The following ANO2 variants were observed in gnomAD, a reference collection of about 807,000 sequenced individuals.
ANO2 encodes anoctamin-2.
Under a neutral mutation model 124.2 loss-of-function variants are expected in ANO2, and 101 were observed. The ratio of observed to expected loss-of-function variants is 0.81; its 90% CI spans 0.69 to 0.96. The LOEUF (loss-of-function observed/expected upper bound fraction) is 0.96. Ranked by LOEUF, ANO2 falls within the 40% of genes least tolerant of loss-of-function variation. The pLI is 0.00. For synonymous variants in ANO2, 486 were observed against 482.5 expected, an observed-to-expected ratio of 1.01 and a Z score of -0.09; for missense variants, 1,293 against 1,274.5, an observed-to-expected ratio of 1.01 and a Z score of -0.22.
intron 10 of ANO2, among the ~76,000 whole-genome samples, chr12:5,761,317 T>C (rs1467201690): frequency 6.6e-6 from 1 of 152,174 alleles, no homozygotes; most frequent in Admixed American, 6.5e-5. Context: ...AGGCTCTTTA[T>C]TTTAAATATC....
In ANO2 at chr12:5,584,829, C is replaced by G. The variant is rs111693104; in HGVS notation, c.2234-6311G>C. Among the ~76,000 whole-genome samples, 344 of 152,244 alleles carry G rather than the reference C, an allele frequency of 2.3e-3. 3 individuals are homozygous for G. The highest frequency in any genetic ancestry group is 8.0e-3 in the African/African-American group (331 of 41,548). On this transcript the variant is annotated intron_variant, in intron 20 of 24. Transcript: ENST00000682330. ...TCCATTGCTTAGAAAAATGGTGAAG[C>G]CTTGACAGAAACATAAGAGAGTTCT...
intron 4 of ANO2, among the ~76,000 whole-genome samples, chr12:5,833,975 G>A (rs897961785): frequency 9.9e-5 from 15 of 151,954 alleles, no homozygotes; most frequent in African/African-American, 2.4e-4. Context: ...CTACGGAGGC[G>A]TCCTGAGAGT....
chr12:5,708,758 T>C (rs570821918), intron 14 of ANO2, among the ~76,000 whole-genome samples: 1 of 152,352 alleles, frequency 6.6e-6, no homozygotes, highest in East Asian at 1.9e-4. Flanking sequence ...ATGCAGCATA[T>C]GCTAGGTCCT....
intron 3 of ANO2, among the ~76,000 whole-genome samples, chr12:5,907,182 T>C (rs1055671835): frequency 2.0e-5 from 3 of 152,204 alleles, no homozygotes; most frequent in Non-Finnish European, 4.4e-5. Context: ...ATGATGTCGT[T>C]TTGTTTCGGT....
At chr12:5,823,755 A>G (rs1953876368) in intron 7 of ANO2, among the ~76,000 whole-genome samples, 1 of 152,172 alleles carries the variant, frequency 6.6e-6, no homozygotes, top group Admixed American at 6.5e-5. Flanking sequence ...CTTCAACCCC[A>G]CATTTCCCCT....
intron 1 of ANO2, among the ~76,000 whole-genome samples, chr12:5,931,204 C>G (rs1942359695): frequency 6.6e-6 from 1 of 152,108 alleles, no homozygotes; most frequent in African/African-American, 2.4e-5. Context: ...GAGTCCGCAC[C>G]TACCCGTCTG....
intron 10 of ANO2, among the ~76,000 whole-genome samples, chr12:5,784,346 A>G (rs116469276): frequency 1.6e-3 from 244 of 152,278 alleles, no homozygotes; most frequent in African/African-American, 5.5e-3. Flanking sequence ...TGACTTATCA[A>G]TCACCTTTTC....
chr12:5,744,485 T>C (rs1350547359), intron 11 of ANO2, among the ~76,000 whole-genome samples, 168 bp from the exon 12 acceptor site: 1 of 152,214 alleles, frequency 6.6e-6, no homozygotes, highest in Non-Finnish European at 1.5e-5. Flanking sequence ...CTGGAGAGTG[T>C]TACTCATACT....
rs10677018 is a variant in ANO2, at chr12:5,609,869, G to GTATA, written c.2087+2783_2087+2786dup. ...TTAGTCTATTGCTTGTTTAGAAAATGTATATATATATATATGTTTTATACA... is the reference window on the plus strand; with the variant it reads ...TTAGTCTATTGCTTGTTTAGAAAATGTATATATATATATATATATGTTTTATACA... On this transcript the variant is annotated intron_variant, in intron 19 of 24. Coordinates refer to ENST00000682330, the MANE Select transcript of ANO2 (RefSeq NM_001364791.2). Among the ~76,000 whole-genome samples the GTATA allele has an allele frequency of 5.3e-3, 767 of 144,418 alleles. 5 individuals carry two copies. Among genetic ancestry groups the GTATA allele is most frequent in the African/African-American group, 0.017 (664 of 39,356 alleles). The allele number at this position is 144,418 out of a possible 152,430, so 94.7% of individuals were successfully genotyped here.
chr12:5,640,092 C>T (rs567992246), intron 15 of ANO2, among the ~76,000 whole-genome samples: 26 of 152,240 alleles, frequency 1.7e-4, no homozygotes, highest in East Asian at 3.9e-4. Flanking sequence ...AGAGGAAATT[C>T]GTCTTTGTCC....
At chr12:5,852,131 C>T (rs1007268610) in intron 4 of ANO2, among the ~76,000 whole-genome samples, 2 of 152,098 alleles carry the variant, frequency 1.3e-5, no homozygotes, top group Non-Finnish European at 1.5e-5. Flanking sequence ...CAGGACCCCA[C>T]CAGAAGGAAG....
intron 10 of ANO2, among the ~76,000 whole-genome samples, chr12:5,786,358 T>A (rs968691506): frequency 9.9e-5 from 15 of 152,256 alleles, no homozygotes; most frequent in Non-Finnish European, 2.2e-4. Flanking sequence ...ACCCCACACA[T>A]CCTTCTAACT....
At chr12:5,802,810 G>C (rs932914692) in intron 9 of ANO2, among the ~76,000 whole-genome samples, 4 of 152,200 alleles carry the variant, frequency 2.6e-5, no homozygotes, top group African/African-American at 9.7e-5. Context: ...AGAGACTACT[G>C]CTCCTTCTTA....
At chr12:5,939,678 A>T (rs1480008049) in intron 1 of ANO2, among the ~76,000 whole-genome samples, 1 of 152,260 alleles carries the variant, frequency 6.6e-6, no homozygotes, top group Non-Finnish European at 1.5e-5. Context: ...CAGTAATGCC[A>T]TTCCTGTTTT....
intron 10 of ANO2, among the ~76,000 whole-genome samples, chr12:5,781,940 G>C (rs1451073228): frequency 6.6e-6 from 1 of 152,176 alleles, no homozygotes; most frequent in African/African-American, 2.4e-5. Context: ...TTTGGGTATA[G>C]TATTCTATAA....
chr12:5,675,135 G>T (rs1948179350), intron 14 of ANO2, among the ~76,000 whole-genome samples: 1 of 152,166 alleles, frequency 6.6e-6, no homozygotes, highest in African/African-American at 2.4e-5. Context: ...ATGTAACTGA[G>T]AAGATGGAAT....
chr12:5,603,702 T>A (rs570583961), intron 19 of ANO2, among the ~76,000 whole-genome samples: 4 of 151,930 alleles, frequency 2.6e-5, no homozygotes, highest in Non-Finnish European at 4.4e-5. Context: ...TTCCAGCACT[T>A]TGGGAAGCCG....
At position 5,599,490 on chromosome 12, in the gene ANO2, C is replaced by T; in HGVS notation, c.2227G>A (p.Glu743Lys). 6.2e-7 allele frequency: 1 copy of T among 1,604,732 alleles called. No homozygotes were observed. The highest frequency in any genetic ancestry group is 1.1e-5 in the South Asian group (1 of 88,320). ...CAGGACCATGGGTTCTCACTCATTT[C>T]CATGTACTCCGGAGTCAGTCCTGTG... Reference protein sequence around the residue: ...PYTGLTPEYMEMIIQFGFVTL... With the variant: ...PYTGLTPEYMKMIIQFGFVTL... The change falls in exon 20 of 25, where the codon GAA (glutamate) becomes AAA (lysine). Residue 743 changes from glutamate to lysine, a missense_variant. By Grantham distance (56) the Glu-to-Lys change is moderately conservative (BLOSUM62 1). Coordinates refer to ENST00000682330, the MANE Select transcript of ANO2 (RefSeq NM_001364791.2).
At chr12:5,761,462 C>A (rs978060469) in intron 10 of ANO2, among the ~76,000 whole-genome samples, 1 of 152,134 alleles carries the variant, frequency 6.6e-6, no homozygotes, top group Non-Finnish European at 1.5e-5. Flanking sequence ...AAGCAGGTAA[C>A]CTTAACTTAT....
Sources: allele counts gnomAD v4.1 joint callset (sites outside exome capture counted in the v4.1 genomes callset), GRCh38; gene constraint gnomAD v4.1.1; transcripts MANE v1.5; gene names NCBI Gene and HGNC (gene_info 2026-07-23, HGNC 2026-07-21).